The following UNC13C variants were observed in gnomAD, a reference collection of about 807,000 sequenced individuals.
The protein encoded by UNC13C is protein unc-13 homolog C.
UNC13C carries 174 observed loss-of-function variants against 245.4 expected under a neutral mutation model. That is an observed-to-expected ratio of 0.71 (90% CI 0.63 to 0.80). UNC13C has a LOEUF of 0.80. Ranked by LOEUF, UNC13C falls within the 30% of genes least tolerant of loss-of-function variation. UNC13C has a pLI of 0.00. For missense variants in UNC13C, 2,829 were observed against 2,602.9 expected (o/e 1.09, Z -1.89); for synonymous variants, 992 against 895.1 (o/e 1.11, Z -1.93).
intron 17 of UNC13C, among the ~76,000 whole-genome samples, chr15:54,365,896 G>A (rs1386382468): frequency 1.3e-5 from 2 of 152,082 alleles, no homozygotes; most frequent in Admixed American, 6.5e-5. Flanking sequence ...TAAAATCATC[G>A]TGAGTTTTTA....
At chr15:54,429,513 T>A (rs1055066743) in intron 19 of UNC13C, among the ~76,000 whole-genome samples, 22 of 151,760 alleles carry the variant, frequency 1.4e-4, no homozygotes, top group Non-Finnish European at 2.5e-4. Context: ...CTTAACATAT[T>A]AACTATAACT....
At chr15:54,128,080 A>G (rs1398583086) in intron 2 of UNC13C, among the ~76,000 whole-genome samples, 1 of 152,144 alleles carries the variant, frequency 6.6e-6, no homozygotes, top group African/African-American at 2.4e-5. Flanking sequence ...CTCAGGATAT[A>G]AAATCAGTAA....
At chr15:54,469,068 G>T (rs1019135055) in intron 19 of UNC13C, among the ~76,000 whole-genome samples, 2 of 151,522 alleles carry the variant, frequency 1.3e-5, no homozygotes, top group Admixed American at 6.6e-5. Flanking sequence ...CAATCCATGA[G>T]TAAGGGATGT....
intron 1 of UNC13C, among the ~76,000 whole-genome samples, chr15:53,981,341 C>T (rs1289745734): frequency 6.6e-6 from 1 of 152,058 alleles, no homozygotes; most frequent in Non-Finnish European, 1.5e-5. Flanking sequence ...CATTTTGTCA[C>T]CCAAGAAAAA....
chr15:53,879,473 T>A, the UNC13C span, among the ~76,000 whole-genome samples: 37 of 152,342 alleles, frequency 2.4e-4, no homozygotes, highest in African/African-American at 8.4e-4. Context: ...CTTTTTCAAT[T>A]TTTATATCAA....
At chr15:53,990,429 T>C (rs1328284145) in intron 1 of UNC13C, among the ~76,000 whole-genome samples, 1 of 152,056 alleles carries the variant, frequency 6.6e-6, no homozygotes, top group Non-Finnish European at 1.5e-5. Context: ...AGCCAAGAAA[T>C]TGGTGATGCA....
chr15:54,111,712 AG>A (rs1185446847), intron 2 of UNC13C, among the ~76,000 whole-genome samples: 3 of 152,206 alleles, frequency 2.0e-5, no homozygotes, highest in African/African-American at 4.8e-5. Flanking sequence ...CGCTCATCAA[AG>A]GATTGCATGA....
the UNC13C span, among the ~76,000 whole-genome samples, chr15:53,868,168 AATGGCCAGGGAGCTGC>A: frequency 6.6e-6 from 1 of 152,120 alleles, no homozygotes; most frequent in Non-Finnish European, 1.5e-5. Context: ...ATCAATGGGA[AATGGCCAGGGAGCTGC>A]TCTCTAATCC....
chr15:54,122,477 T>C (rs1401912256), intron 2 of UNC13C, among the ~76,000 whole-genome samples: 6 of 152,080 alleles, frequency 3.9e-5, no homozygotes, highest in Non-Finnish European at 8.8e-5. Context: ...AATTGACTTA[T>C]TTGAGGTATA....
intron 30 of UNC13C, among the ~76,000 whole-genome samples, chr15:54,613,539 G>A (rs1045468612): frequency 5.3e-5 from 8 of 151,796 alleles, no homozygotes; most frequent in South Asian, 2.1e-4. Flanking sequence ...AAATATTAAC[G>A]AATAAATATT....
chr15:54,019,900 T>C (rs1051454429), intron 2 of UNC13C, among the ~76,000 whole-genome samples: 2 of 152,226 alleles, frequency 1.3e-5, no homozygotes, highest in Admixed American at 1.3e-4. Flanking sequence ...TTTCACAGAT[T>C]ATTGTGACTT....
chr15:54,549,748 T>C, intron 28 of UNC13C, 57 bp downstream of exon 28: 3 of 1,112,398 alleles, frequency 2.7e-6, no homozygotes, highest in South Asian at 3.1e-5. Context: ...ACTACAGTTC[T>C]GCAAGCATCC....
chr15:54,132,982 C>T (rs2031521040), intron 2 of UNC13C, among the ~76,000 whole-genome samples: 1 of 152,070 alleles, frequency 6.6e-6, no homozygotes, highest in Non-Finnish European at 1.5e-5. Flanking sequence ...GGAGAAAATA[C>T]AACATTTTTA....
rs368805549 is a variant in UNC13C, at chr15:54,567,777, G to A, written c.5959-23G>A. 163 of 1,561,640 alleles carry A rather than the reference G, an allele frequency of 1.0e-4. No homozygotes were observed. The African/African-American group carries it at 1.9e-3, about 18-fold the overall frequency. On this transcript the variant is annotated intron_variant, in intron 29 of 32. Transcript: ENST00000260323. ...TCCAATACTTCTCTCTAAATGCCTC[G>A]GCTTATTTTTTTTTCTTTGTAGCAA... is the stretch of plus-strand genomic sequence containing the variant.
chr15:54,298,651 C>G (rs2037497890), intron 12 of UNC13C, among the ~76,000 whole-genome samples: 3 of 152,114 alleles, frequency 2.0e-5, no homozygotes, highest in South Asian at 4.1e-4. Context: ...TTCACCAGTT[C>G]CCTTTTGTGT....
At chr15:54,027,289 A>G (rs1896152009) in intron 2 of UNC13C, among the ~76,000 whole-genome samples, 1 of 152,194 alleles carries the variant, frequency 6.6e-6, no homozygotes, top group Admixed American at 6.5e-5. Flanking sequence ...TTACTCCTAG[A>G]CACTATGGAA....
intron 23 of UNC13C, among the ~76,000 whole-genome samples, chr15:54,511,388 C>G (rs965743482): frequency 2.6e-5 from 4 of 152,012 alleles, no homozygotes; most frequent in Non-Finnish European, 4.4e-5. Context: ...TTTTCTAAAA[C>G]AGTAAAATAA....
At position 54,013,747 on chromosome 15, in the gene UNC13C, G is replaced by T; in HGVS notation, c.844G>T (p.Glu282Ter). ...HSIDEISSSV[E>*]VVQSEIEQLR... ...CATCGATGAGATCTCCAGCAGTGTG[G>T]AGGTTGTACAAAGTGAAATTGAGCA... Residue 282 changes from glutamate to a stop codon, truncating the protein, a stop_gained, in exon 2 of 33, where the codon GAG (glutamate) becomes TAG (stop). Transcript: ENST00000260323. LOFTEE classifies it high-confidence loss of function. 1 of 1,611,586 alleles carries T rather than the reference G, an allele frequency of 6.2e-7. No individual in the cohort carries two copies. The highest frequency in any genetic ancestry group is 8.5e-7 in the Non-Finnish European group (1 of 1,178,880).
At chr15:54,545,853 C>G (rs1353367158) in intron 26 of UNC13C, among the ~76,000 whole-genome samples, 1 of 152,094 alleles carries the variant, frequency 6.6e-6, no homozygotes, top group Admixed American at 6.6e-5. Context: ...GAAATAGGAA[C>G]ACTTTTAAAC....
Sources: allele counts gnomAD v4.1 joint callset (sites outside exome capture counted in the v4.1 genomes callset), GRCh38; gene constraint gnomAD v4.1.1; transcripts MANE v1.5; gene names NCBI Gene and HGNC (gene_info 2026-07-23, HGNC 2026-07-21).